Variants in PPP2R2A observed in about 807,000 individuals in gnomAD.
The protein encoded by PPP2R2A is serine/threonine-protein phosphatase 2A 55 kDa regulatory subunit B alpha isoform.
A neutral mutation model predicts 53.2 loss-of-function variants in PPP2R2A; 9 were observed. The observed-to-expected ratio is 0.17, with a 90% CI of 0.10 to 0.30. The LOEUF (loss-of-function observed/expected upper bound fraction) is 0.30, where lower values mean the gene tolerates loss of function less well. Ranked by LOEUF, PPP2R2A falls within the 10% of genes least tolerant of loss-of-function variation. PPP2R2A has a pLI of 1.00. For missense variants in PPP2R2A, 235 were observed against 534.6 expected (o/e 0.44, Z 5.53); for synonymous variants, 169 against 174.2 (o/e 0.97, Z 0.23).
intron 3 of PPP2R2A, among the ~76,000 whole-genome samples, chr8:26,351,750 C>G (rs1804526275): frequency 6.6e-6 from 1 of 152,136 alleles, no homozygotes; most frequent in African/African-American, 2.4e-5. Flanking sequence ...GTTTCTGGGC[C>G]ATCTGTTCTG....
chr8:26,304,271 G>A (rs1056694364), intron 2 of PPP2R2A, among the ~76,000 whole-genome samples: 10 of 144,624 alleles, frequency 6.9e-5, no homozygotes, highest in African/African-American at 2.5e-4. Flanking sequence ...GATTTAGTGT[G>A]TTCCCATCTT....
At chr8:26,337,336 T>C (rs1803716427) in intron 2 of PPP2R2A, among the ~76,000 whole-genome samples, 1 of 152,192 alleles carries the variant, frequency 6.6e-6, no homozygotes, top group Admixed American at 6.5e-5. Context: ...TCAGGGTGTC[T>C]GTGTGAGGGA....
intron 2 of PPP2R2A, among the ~76,000 whole-genome samples, chr8:26,312,831 A>G (rs1802353174): frequency 6.6e-6 from 1 of 152,052 alleles, no homozygotes; most frequent in African/African-American, 2.4e-5. Context: ...GGCCTCCCTT[A>G]CCAGCTATCT....
intron 4 of PPP2R2A, chr8:26,358,934 C>T (rs1254389092): frequency 2.2e-6 from 1 of 455,810 alleles, no homozygotes; most frequent in East Asian, 6.9e-5. Context: ...GACTCACTTC[C>T]AAAGAACAGA....
chr8:26,365,264 T>G (rs1277222249), intron 8 of PPP2R2A: 1 of 152,230 alleles, frequency 6.6e-6, no homozygotes, highest in Non-Finnish European at 1.5e-5. Context: ...TACCAGCATC[T>G]TGCCAAGTTT....
intron 3 of PPP2R2A, among the ~76,000 whole-genome samples, chr8:26,346,625 G>T (rs1339888303): frequency 1.3e-5 from 2 of 151,680 alleles, no homozygotes; most frequent in African/African-American, 4.9e-5. Context: ...GTGTAGATAG[G>T]TTTTGAAATG....
intron 4 of PPP2R2A, among the ~76,000 whole-genome samples, chr8:26,358,292 A>C (rs1379934421): frequency 1.3e-5 from 2 of 152,134 alleles, no homozygotes; most frequent in Admixed American, 6.5e-5. Flanking sequence ...CAACTGGACC[A>C]GGGGGCGGGG....
rs1805010534 is a variant in PPP2R2A at position 26,360,282 on chromosome 8, G to GT, written c.459+2dup. 1 of 1,551,892 alleles carries GT rather than the reference G, an allele frequency of 6.4e-7. No homozygotes were observed. Among genetic ancestry groups the GT allele is most frequent in the African/African-American group, 1.4e-5 (1 of 73,074 alleles). On this transcript the variant is annotated splice_donor_variant, in intron 5 of 9. Transcript: ENST00000380737. LOFTEE classifies it high-confidence loss of function. This position sits in a 1 kb window ranked among gnomAD's most constrained non-coding sequence, Gnocchi z 4.5. ...TCCTACTACAGTTACTACACTACGA[G>GT]TAAGTACATAAGAAAAAAATGTCAC...
intron 2 of PPP2R2A, among the ~76,000 whole-genome samples, chr8:26,314,467 C>G (rs1157837456): frequency 7.1e-6 from 1 of 140,362 alleles, no homozygotes; most frequent in Non-Finnish European, 1.6e-5. Context: ...ACATCTTTTT[C>G]TTTCTTGTTT....
intron 9 of PPP2R2A, among the ~76,000 whole-genome samples, chr8:26,369,648 T>C (rs1805569167): frequency 6.6e-6 from 1 of 152,176 alleles, no homozygotes. Flanking sequence ...CACCTTGGCC[T>C]CCCAAAGTGC....
At chr8:26,346,172 A>T (rs6990791) in intron 3 of PPP2R2A, among the ~76,000 whole-genome samples, 3 of 151,024 alleles carry the variant, frequency 2.0e-5, no homozygotes, top group Admixed American at 2.0e-4. Context: ...ACAGAGTCTC[A>T]CTCTGTCACC....
intron 2 of PPP2R2A, among the ~76,000 whole-genome samples, chr8:26,337,270 A>G (rs1803713053): frequency 6.6e-6 from 1 of 152,194 alleles, no homozygotes; most frequent in Admixed American, 6.5e-5. Flanking sequence ...AAACCCAGCA[A>G]ATTATCAATG....
intron 2 of PPP2R2A, among the ~76,000 whole-genome samples, chr8:26,294,574 G>T (rs1801459962): frequency 6.6e-6 from 1 of 152,180 alleles, no homozygotes; most frequent in Admixed American, 6.5e-5. Flanking sequence ...TTGAATTACA[G>T]TAGGAATTTT....
intron 2 of PPP2R2A, among the ~76,000 whole-genome samples, chr8:26,332,496 A>G (rs1161010229): frequency 1.3e-5 from 2 of 151,386 alleles, no homozygotes; most frequent in Admixed American, 6.6e-5. Context: ...GCATTTACAT[A>G]TTAACTTGGT....
intron 6 of PPP2R2A, 37 bp downstream of exon 6, chr8:26,361,188 G>A: frequency 6.6e-7 from 1 of 1,518,036 alleles, no homozygotes; most frequent in Non-Finnish European, 8.9e-7. Flanking sequence ...TGGTGAAGAA[G>A]GCATGTTGTG....
rs528995234 is a variant in PPP2R2A at position 26,331,854 on chromosome 8, T to C, written c.83-7036T>C. ...TATTTTGTGTTGCATGAAACAGATA[T>C]TTCTGGATTTTCAGTGTTGTTTATT... On this transcript the variant is annotated intron_variant, in intron 2 of 9. Coordinates refer to ENST00000380737, the MANE Select transcript of PPP2R2A (RefSeq NM_002717.4). Among the ~76,000 whole-genome samples, 181 of 152,336 alleles carry C rather than the reference T, an allele frequency of 1.2e-3. 1 individual carries two copies. Among genetic ancestry groups the C allele is most frequent in the African/African-American group, 4.1e-3 (171 of 41,572 alleles).
chr8:26,367,024 G>A (rs1268671060), intron 9 of PPP2R2A, among the ~76,000 whole-genome samples: 3 of 152,060 alleles, frequency 2.0e-5, no homozygotes. Flanking sequence ...TGTTCCAGTA[G>A]AACAGAAAGT....
chr8:26,331,170 A>C (rs369807268), intron 2 of PPP2R2A, among the ~76,000 whole-genome samples: 1 of 152,160 alleles, frequency 6.6e-6, no homozygotes, highest in African/African-American at 2.4e-5. Context: ...GATTCTTCAT[A>C]ACTCTCACCA....
At chr8:26,349,221 T>G (rs764604662) in intron 3 of PPP2R2A, among the ~76,000 whole-genome samples, 1 of 150,374 alleles carries the variant, frequency 6.7e-6, no homozygotes, top group Non-Finnish European at 1.5e-5. Flanking sequence ...TTGCTTAGTT[T>G]TGGTGGGTGG....
Sources: gnomAD v4.1 joint callset for allele counts (sites outside exome capture counted in the v4.1 genomes callset) on GRCh38, gnomAD v4.1.1 for gene constraint, Gnocchi (gnomAD v3.1) non-coding constraint, MANE v1.5 for transcripts, NCBI Gene and HGNC (gene_info 2026-07-23, HGNC 2026-07-21) for gene names.